HCN2: variants seen among roughly 807,000 people sequenced by gnomAD.
HCN2 encodes the protein hyperpolarization activated cyclic nucleotide gated potassium and sodium channel 2, also known as potassium/sodium hyperpolarization-activated cyclic nucleotide-gated channel 2.
In HCN2, 20 loss-of-function variants were observed where a neutral mutation model predicts 52.3. That is an observed-to-expected ratio of 0.38 (90% CI 0.27 to 0.56). HCN2 has a LOEUF of 0.56. Ranked by LOEUF, HCN2 falls within the 20% of genes least tolerant of loss-of-function variation. The pLI is 0.71. For missense variants in HCN2, 981 were observed against 1,207.7 expected (o/e 0.81, Z 2.78); for synonymous variants, 694 against 537.0 (o/e 1.29, Z -4.04).
chr19:599,100 C>G (rs553837163), intron 1 of HCN2, among the ~76,000 whole-genome samples: 1 of 152,288 alleles, frequency 6.6e-6, no homozygotes. Flanking sequence ...CTGATGCCAC[C>G]ACGATGTGAG....
chr19:610,918 C>G (rs969544734), intron 5 of HCN2, among the ~76,000 whole-genome samples: 18 of 152,204 alleles, frequency 1.2e-4, no homozygotes, highest in Non-Finnish European at 2.4e-4. Flanking sequence ...CGTGCTACCC[C>G]CCCGGAGCCC....
chr19:614,808 C>T (rs890022153), intron 7 of HCN2, among the ~76,000 whole-genome samples: 10 of 151,862 alleles, frequency 6.6e-5, no homozygotes, highest in Admixed American at 5.2e-4. Flanking sequence ...GACCTGGCCT[C>T]TCAGGGGGGC....
chr19:598,641 G>A (rs1008113540), intron 1 of HCN2, among the ~76,000 whole-genome samples: 6 of 150,790 alleles, frequency 4.0e-5, no homozygotes, highest in Middle Eastern at 3.6e-3. Context: ...TCGCTCTGTC[G>A]CCCAGGCTGG....
chr19:590,007 G>A lies in HCN2; in HGVS notation c.62G>A (p.Gly21Glu). The A allele has an allele frequency of 1.6e-6, 1 of 640,682 alleles. No homozygotes were observed. Among genetic ancestry groups the A allele is most frequent in the Non-Finnish European group, 1.9e-6 (1 of 528,160 alleles). The allele number at this position is 640,682 out of a possible 1,614,324, so 39.7% of individuals were successfully genotyped here. Residue 21 changes from glycine (G) to glutamate (E), a missense_variant, in exon 1 of 8, where the codon GGG becomes GAG. By Grantham distance (98) the Gly-to-Glu change is moderately conservative (BLOSUM62 -2). This residue lies in a region of HCN2 where 215 missense variants were observed against 179.4 expected (regional missense o/e 1.20). Coordinates refer to ENST00000251287, the MANE Select transcript of HCN2 (RefSeq NM_001194.4). This position sits in a 1 kb window ranked among gnomAD's most constrained non-coding sequence, Gnocchi z 7.2. ...GESPGATPAP[G>E]PPPPPPPAPP... Reference sequence around the variant, plus strand: ...AGCCCGGGCGCGACCCCCGCGCCGGGGCCGCCGCCGCCGCCGCCGCCCGCG... The same window carrying A: ...AGCCCGGGCGCGACCCCCGCGCCGGAGCCGCCGCCGCCGCCGCCGCCCGCG...
intron 1 of HCN2, among the ~76,000 whole-genome samples, chr19:601,576 G>A (rs111493941): frequency 4.6e-5 from 7 of 150,718 alleles, no homozygotes; most frequent in Non-Finnish European, 8.8e-5. Context: ...GGTGGTTGTC[G>A]TCCGCAATCA....
At position 603,844 on chromosome 19, in the gene HCN2, C is replaced by T. The variant is rs149284832; in HGVS notation, c.933C>T (p.Gly311=). Residue 311 remains glycine (G), a synonymous_variant, in exon 2 of 8, where the codon GGC becomes GGT. Coordinates refer to ENST00000251287, the MANE Select transcript of HCN2 (RefSeq NM_001194.4). ...VDYIFLIVEK[G]IDSEVYKTAR... is the part of the protein sequence containing the mutation. Reference sequence around the variant, plus strand: ...ACATCTTCCTTATCGTGGAGAAGGGCATTGACTCCGAGGTCTACAAGACGG... The same window carrying T: ...ACATCTTCCTTATCGTGGAGAAGGGTATTGACTCCGAGGTCTACAAGACGG... The T allele has an allele frequency of 1.3e-5, 21 of 1,612,532 alleles. No homozygotes were observed. The African/African-American group carries it at 2.4e-4, about 18-fold the overall frequency.
In HCN2 at chr19:603,820, C is replaced by T. The variant is rs754307406; in HGVS notation, c.909C>T (p.Tyr303=). The T allele has an allele frequency of 2.2e-5, 36 of 1,612,708 alleles. No homozygotes were observed. Among genetic ancestry groups the T allele is most frequent in the Non-Finnish European group, 3.0e-5 (35 of 1,179,894 alleles). Residue 303 remains tyrosine, a synonymous_variant, in exon 2 of 8, where the codon TAC becomes TAT. Coordinates refer to ENST00000251287, the MANE Select transcript of HCN2 (RefSeq NM_001194.4). ...VDFVSSIPVD[Y]IFLIVEKGID... The stretch of plus-strand genomic sequence containing the variant: ...TCGTGTCCTCCATCCCCGTGGACTA[C>T]ATCTTCCTTATCGTGGAGAAGGGCA...
At chr19:596,302 G>A (rs1385032382) in intron 1 of HCN2, among the ~76,000 whole-genome samples, 3 of 152,368 alleles carry the variant, frequency 2.0e-5, no homozygotes, top group Admixed American at 6.5e-5. Flanking sequence ...GGCTGTTGGA[G>A]GAGGGCTGAG....
intron 3 of HCN2, among the ~76,000 whole-genome samples, chr19:605,471 TCGGGCCC>T: frequency 3.1e-5 from 1 of 32,160 alleles, no homozygotes; most frequent in African/African-American, 3.4e-4. Flanking sequence ...AGGGGAGGAC[TCGGGCCC>T]TTACAGAGGT....
chr19:606,403 G>A (rs1983429967), intron 3 of HCN2, among the ~76,000 whole-genome samples: 1 of 151,914 alleles, frequency 6.6e-6, no homozygotes, highest in Non-Finnish European at 1.5e-5. Context: ...GCCCGGCCTG[G>A]TTGGATCCCT....
intron 5 of HCN2, among the ~76,000 whole-genome samples, chr19:612,017 C>T (rs1259228581): frequency 6.6e-6 from 1 of 152,040 alleles, no homozygotes; most frequent in African/African-American, 2.4e-5. Context: ...TGGTGGTGGG[C>T]GCCTGTAATC....
chr19:597,891 C>T (rs1410668192), intron 1 of HCN2, among the ~76,000 whole-genome samples: 1 of 152,160 alleles, frequency 6.6e-6, no homozygotes, highest in East Asian at 1.9e-4. Flanking sequence ...GTTTCTAGGT[C>T]CCCCTTGGTG....
intron 5 of HCN2, among the ~76,000 whole-genome samples, chr19:612,693 G>A (rs977247110): frequency 6.6e-6 from 1 of 151,652 alleles, no homozygotes; most frequent in Non-Finnish European, 1.5e-5. Flanking sequence ...GGGATTACAG[G>A]TGTGAGCCAC....
chr19:612,492 T>C (rs1290610974), intron 5 of HCN2, among the ~76,000 whole-genome samples: 1 of 151,998 alleles, frequency 6.6e-6, no homozygotes, highest in Non-Finnish European at 1.5e-5. Context: ...CTTGGTTCAC[T>C]GTAACCTCCT....
chr19:596,018 C>G (rs971262759), intron 1 of HCN2, among the ~76,000 whole-genome samples: 1 of 152,232 alleles, frequency 6.6e-6, no homozygotes, highest in Non-Finnish European at 1.5e-5. Flanking sequence ...GCAGGCCCTC[C>G]CCTGGGATCC....
chr19:606,653 G>T, intron 3 of HCN2, among the ~76,000 whole-genome samples: 1 of 149,642 alleles, frequency 6.7e-6, no homozygotes. Context: ...AGGAGTTTGA[G>T]ACCAGCCTGA....
At chr19:614,078 C>CGGGTGCCCTGGCGGGGGAGG in intron 7 of HCN2, 62 bp downstream of exon 7, 1 of 1,169,820 alleles carries the variant, frequency 8.5e-7, no homozygotes, top group Non-Finnish European at 1.2e-6. Context: ...GTGGCCAAGG[C>CGGGTGCCCTGGCGGGGGAGG]ATCAGGAGAG....
intron 1 of HCN2, among the ~76,000 whole-genome samples, chr19:599,540 G>C (rs1051108340): frequency 6.6e-6 from 1 of 151,914 alleles, no homozygotes; most frequent in Admixed American, 6.6e-5. Flanking sequence ...AGCACTTTAG[G>C]AGGCCAAGGC....
rs749761456 is a variant in HCN2, at chr19:605,114, C to T, written c.1110C>T (p.Leu370=). ...LASAVMRICN[L]ISMMLLLCHW... The stretch of plus-strand genomic sequence containing the variant: ...GCGCGGTGATGAGGATCTGCAATCT[C>T]ATCAGCATGATGCTGCTGCTCTGCC... The change falls in exon 3 of 8, where the codon CTC becomes CTT. Residue 370 remains leucine, a synonymous_variant. Coordinates refer to ENST00000251287, the MANE Select transcript of HCN2 (RefSeq NM_001194.4). The T allele has an allele frequency of 1.2e-6, 2 of 1,611,976 alleles. No individual in the cohort carries two copies. Among genetic ancestry groups the T allele is most frequent in the South Asian group, 1.1e-5 (1 of 91,050 alleles).
Sources: allele counts gnomAD v4.1 joint callset (sites outside exome capture counted in the v4.1 genomes callset), GRCh38; gene constraint gnomAD v4.1.1; regional missense constraint gnomAD v4.1.1; non-coding constraint Gnocchi (gnomAD v3.1); transcripts MANE v1.5; gene names NCBI Gene and HGNC (gene_info 2026-07-23, HGNC 2026-07-21).